The following MYT1L variants were observed in gnomAD, a reference collection of about 807,000 sequenced individuals.
MYT1L encodes myelin transcription factor 1-like protein.
A neutral mutation model predicts 126.7 loss-of-function variants in MYT1L; 12 were observed. The observed-to-expected ratio is 0.09, with a 90% CI of 0.06 to 0.15. MYT1L has a LOEUF of 0.15. Ranked by LOEUF, MYT1L falls within the 10% of genes least tolerant of loss-of-function variation. The pLI is 1.00. For missense variants in MYT1L, 979 were observed against 1,585.2 expected, an observed-to-expected ratio of 0.62 and a Z score of 6.49; for synonymous variants, 541 against 604.2, an observed-to-expected ratio of 0.90 and a Z score of 1.53.
intron 2 of MYT1L, among the ~76,000 whole-genome samples, chr2:2,261,142 CGTGTGTGTGTGT>C (rs10604026): frequency 1.3e-5 from 2 of 149,102 alleles, no homozygotes; most frequent in Admixed American, 6.7e-5. Context: ...TGTGTGAGTG[CGTGTGTGTGTGT>C]GTGTGTGTGT....
chr2:1,991,444 C>T lies in MYT1L; in HGVS notation c.-1+5747G>A, dbSNP rs2061448268. Among the ~76,000 whole-genome samples the T allele has an allele frequency of 3.3e-5, 5 of 152,268 alleles. No homozygotes were observed. The South Asian group carries it at 1.0e-3, about 32-fold the overall frequency. ...CTGAGACTCTGGGATTACAGGTGCA[C>T]ACCATGTCTGGCTAATCTGTGTATT... On this transcript the variant is annotated intron_variant, in intron 5 of 24. Coordinates refer to ENST00000647738, the MANE Select transcript of MYT1L (RefSeq NM_001303052.2).
chr2:2,217,706 CAAAAA>C (rs35934436), intron 2 of MYT1L, among the ~76,000 whole-genome samples: 16 of 91,164 alleles, frequency 1.8e-4, no homozygotes, highest in South Asian at 7.9e-4. Flanking sequence ...ACAACAACAA[CAAAAA>C]AAAAAAAAGA....
rs757430784 is a variant in MYT1L at position 1,922,428 on chromosome 2, G to C, written c.1341C>G (p.Ala447=). 1.9e-6 allele frequency: 3 copies of C among 1,613,734 alleles called. No homozygotes were observed. The African/African-American group carries it at 4.0e-5, about 22-fold the overall frequency. The change falls in exon 10 of 25, where the codon GCC becomes GCG. Residue 447 remains alanine, a synonymous_variant. Coordinates refer to ENST00000647738, the MANE Select transcript of MYT1L (RefSeq NM_001303052.2). This position sits in a 1 kb window ranked among gnomAD's most constrained non-coding sequence, Gnocchi z 7.4. Reference sequence around the variant, plus strand: ...CTTCCATGGCCATCTTCTCCCTCATGGCCTTTGCTCTTTCCGTTTCCAAAG... The same window carrying C: ...CTTCCATGGCCATCTTCTCCCTCATCGCCTTTGCTCTTTCCGTTTCCAAAG... The part of the protein sequence containing the change: ...AIALETERAK[A]MREKMAMEAG...
At chr2:1,897,886 C>T (rs1434266282) in intron 14 of MYT1L, among the ~76,000 whole-genome samples, 2 of 152,310 alleles carry the variant, frequency 1.3e-5, no homozygotes, top group East Asian at 1.9e-4. Context: ...ACTCTAGATG[C>T]CAGAGCTGCC....
At chr2:2,101,560 T>G (rs1472452103) in intron 3 of MYT1L, among the ~76,000 whole-genome samples, 2 of 151,596 alleles carry the variant, frequency 1.3e-5, no homozygotes, top group Non-Finnish European at 2.9e-5. Flanking sequence ...AACCCATCCA[T>G]CCATCAACTC....
At chr2:1,960,253 C>G (rs1412470149) in intron 8 of MYT1L, among the ~76,000 whole-genome samples, 1 of 152,138 alleles carries the variant, frequency 6.6e-6, no homozygotes, top group Non-Finnish European at 1.5e-5. Flanking sequence ...TAAAGTAAAA[C>G]ATCACATGGC....
chr2:2,237,903 G>A (rs956410986), intron 2 of MYT1L, among the ~76,000 whole-genome samples: 1 of 152,078 alleles, frequency 6.6e-6, no homozygotes, highest in Non-Finnish European at 1.5e-5. Flanking sequence ...AACTCCCCTC[G>A]CCACACCTTG....
chr2:1,861,997 A>ATCCGCCTGCAGCCTGTGTAATCCTAG (rs1558192114), intron 18 of MYT1L, among the ~76,000 whole-genome samples: 1 of 151,374 alleles, frequency 6.6e-6, no homozygotes, highest in African/African-American at 2.4e-5. Context: ...GTAATCCTGG[A>ATCCGCCTGCAGCCTGTGTAATCCTAG]ATTCGCTGAG....
At chr2:1,851,288 G>A (rs1257892401) in intron 19 of MYT1L, among the ~76,000 whole-genome samples, 2 of 152,146 alleles carry the variant, frequency 1.3e-5, no homozygotes, top group East Asian at 3.9e-4. Context: ...GCATTAGAAT[G>A]TGTGTCTCTT....
At chr2:1,836,531 G>A (rs530751212) in intron 21 of MYT1L, among the ~76,000 whole-genome samples, 46 of 135,868 alleles carry the variant, frequency 3.4e-4, no homozygotes, top group African/African-American at 1.2e-3. Context: ...ATCAGCCTGC[G>A]CTCCAATATT....
Position 1,910,655 on chromosome 2 carries a change from C to G in MYT1L, c.1710-308G>C, listed in dbSNP as rs181423923. Reference sequence around the variant, plus strand: ...TTCGGGAGGACATAGCTGGTGAAAACTGTAGACAGATTCCATTTCTGGAGA... The same window carrying G: ...TTCGGGAGGACATAGCTGGTGAAAAGTGTAGACAGATTCCATTTCTGGAGA... On this transcript the variant is annotated intron_variant, in intron 12 of 24. Coordinates refer to ENST00000647738, the MANE Select transcript of MYT1L (RefSeq NM_001303052.2). The surrounding 1 kb of genome is among the most constrained non-coding windows in gnomAD (Gnocchi z 4.8). Among the ~76,000 whole-genome samples the G allele has an allele frequency of 7.1e-4, 108 of 152,250 alleles. No homozygotes were observed. The highest frequency in any genetic ancestry group is 2.4e-3 in the African/African-American group (101 of 41,536).
At chr2:1,935,789 C>T (rs1251017318) in intron 9 of MYT1L, among the ~76,000 whole-genome samples, 2 of 152,182 alleles carry the variant, frequency 1.3e-5, no homozygotes, top group Non-Finnish European at 2.9e-5. Flanking sequence ...AGCAGATAAA[C>T]TGTTATTTTC....
At chr2:1,832,242 C>T (rs569999268) in intron 21 of MYT1L, among the ~76,000 whole-genome samples, 1 of 152,244 alleles carries the variant, frequency 6.6e-6, no homozygotes, top group African/African-American at 2.4e-5. Flanking sequence ...TGTGAGGACA[C>T]AGTGAGAAGG....
chr2:1,968,420 C>T (rs1046433729), intron 8 of MYT1L, among the ~76,000 whole-genome samples: 1 of 152,176 alleles, frequency 6.6e-6, no homozygotes, highest in Non-Finnish European at 1.5e-5. Context: ...CATTTTCCCC[C>T]TCCTCTCCTC....
intron 21 of MYT1L, among the ~76,000 whole-genome samples, chr2:1,829,854 C>T (rs1159486849): frequency 6.6e-6 from 1 of 152,164 alleles, no homozygotes; most frequent in Non-Finnish European, 1.5e-5. Context: ...TGAATTGCAC[C>T]TGTCTCCTGG....
intron 2 of MYT1L, among the ~76,000 whole-genome samples, chr2:2,198,275 A>G (rs1039378829): frequency 2.0e-5 from 3 of 151,914 alleles, no homozygotes; most frequent in Non-Finnish European, 4.4e-5. Flanking sequence ...GGGCAGGGGT[A>G]TGGGCCCCAG....
At chr2:2,260,018 T>C (rs533036625) in intron 2 of MYT1L, among the ~76,000 whole-genome samples, 16 of 152,308 alleles carry the variant, frequency 1.1e-4, no homozygotes, top group African/African-American at 3.8e-4. Flanking sequence ...GAGCAGGCGC[T>C]CATTTTACAC....
chr2:2,087,335 C>T (rs1398173417), intron 3 of MYT1L, among the ~76,000 whole-genome samples: 1 of 152,142 alleles, frequency 6.6e-6, no homozygotes, highest in Non-Finnish European at 1.5e-5. Flanking sequence ...ACTCTTAATG[C>T]CATTAATGTT....
chr2:2,257,808 C>A (rs1460851070), intron 2 of MYT1L, among the ~76,000 whole-genome samples: 2 of 150,464 alleles, frequency 1.3e-5, no homozygotes, highest in Non-Finnish European at 2.9e-5. Context: ...GTGAAAATGG[C>A]CATACTGCCC....
Sources: gnomAD v4.1 joint callset for allele counts (sites outside exome capture counted in the v4.1 genomes callset) on GRCh38, gnomAD v4.1.1 for gene constraint, Gnocchi (gnomAD v3.1) non-coding constraint, MANE v1.5 for transcripts, NCBI Gene and HGNC (gene_info 2026-07-23, HGNC 2026-07-21) for gene names.